The following EPHA6 variants were observed in gnomAD, a reference collection of about 807,000 sequenced individuals.
EPHA6 encodes the protein ephrin type-A receptor 6.
Under a neutral mutation model 112.0 loss-of-function variants are expected in EPHA6, and 50 were observed. The observed-to-expected ratio is 0.45, with a 90% CI of 0.36 to 0.56. The LOEUF is 0.56. EPHA6 is among the 20% of genes least tolerant of loss of function. The pLI, the probability that EPHA6 is intolerant of heterozygous loss-of-function variation, is 0.00. For synonymous variants in EPHA6, 529 were observed against 490.7 expected, an observed-to-expected ratio of 1.08 and a Z score of -1.03; for missense variants, 1,280 against 1,417.4, an observed-to-expected ratio of 0.90 and a Z score of 1.56.
At chr3:97,682,513 A>G (rs370169573) in intron 14 of EPHA6, among the ~76,000 whole-genome samples, 2 of 152,152 alleles carry the variant, frequency 1.3e-5, no homozygotes, top group South Asian at 4.1e-4. Flanking sequence ...CTATCAGGCC[A>G]TACAATTTTA....
At chr3:97,540,324 G>T (rs1480672661) in intron 11 of EPHA6, among the ~76,000 whole-genome samples, 1 of 152,120 alleles carries the variant, frequency 6.6e-6, no homozygotes, top group Non-Finnish European at 1.5e-5. Context: ...AACAGAAAAC[G>T]AACTAAGTGT....
At chr3:97,666,066 A>C (rs534351010) in intron 14 of EPHA6, among the ~76,000 whole-genome samples, 14 of 152,162 alleles carry the variant, frequency 9.2e-5, no homozygotes, top group African/African-American at 3.1e-4. Flanking sequence ...CAAAAAAAAA[A>C]AAAAAAGAAT....
chr3:96,826,065 AT>A (rs1168936143), intron 1 of EPHA6, among the ~76,000 whole-genome samples: 4 of 151,856 alleles, frequency 2.6e-5, no homozygotes, highest in Admixed American at 2.0e-4. Context: ...GAAAATAAAT[AT>A]TTTTATAAGG....
At chr3:97,440,743 C>G (rs2090093833) in intron 6 of EPHA6, among the ~76,000 whole-genome samples, 1 of 151,226 alleles carries the variant, frequency 6.6e-6, no homozygotes, top group South Asian at 2.1e-4. Context: ...AGTGTAAAAT[C>G]AAAAATTAAT....
At chr3:96,855,634 A>T (rs562351750) in intron 1 of EPHA6, among the ~76,000 whole-genome samples, 1 of 152,150 alleles carries the variant, frequency 6.6e-6, no homozygotes, top group African/African-American at 2.4e-5. Context: ...GGTTGACAGC[A>T]TTAAAATAAT....
intron 13 of EPHA6, among the ~76,000 whole-genome samples, chr3:97,624,964 T>G (rs765775790): frequency 6.6e-6 from 1 of 151,538 alleles, no homozygotes; most frequent in African/African-American, 2.4e-5. Context: ...TAGATAAAAG[T>G]TTGTTGATTT....
chr3:97,225,420 T>A (rs1298003738), intron 3 of EPHA6, among the ~76,000 whole-genome samples: 1 of 152,256 alleles, frequency 6.6e-6, no homozygotes, highest in East Asian at 1.9e-4. Flanking sequence ...TCACATTTAG[T>A]AATTATTTTT....
At chr3:97,561,469 C>T (rs899823498) in intron 11 of EPHA6, among the ~76,000 whole-genome samples, 1 of 151,990 alleles carries the variant, frequency 6.6e-6, no homozygotes, top group Non-Finnish European at 1.5e-5. Flanking sequence ...TTCCCTTAAG[C>T]CAAAGTCTGA....
intron 3 of EPHA6, among the ~76,000 whole-genome samples, chr3:97,216,330 CAG>C (rs1035293092): frequency 1.3e-4 from 20 of 152,266 alleles, no homozygotes; most frequent in African/African-American, 4.8e-4. Context: ...CACTTATAAA[CAG>C]GGGATGCTTC....
At chr3:97,035,806 G>A (rs1559684898) in intron 3 of EPHA6, among the ~76,000 whole-genome samples, 1 of 151,906 alleles carries the variant, frequency 6.6e-6, no homozygotes, top group Non-Finnish European at 1.5e-5. Context: ...ATATGATAGT[G>A]CTTTCATTTA....
intron 1 of EPHA6, among the ~76,000 whole-genome samples, chr3:96,839,038 T>G (rs540085155): frequency 6.6e-6 from 1 of 152,172 alleles, no homozygotes; most frequent in African/African-American, 2.4e-5. Flanking sequence ...CTTTATGGCT[T>G]CCATTTTAAA....
At chr3:96,927,453 C>T (rs2040097689) in intron 2 of EPHA6, among the ~76,000 whole-genome samples, 1 of 152,166 alleles carries the variant, frequency 6.6e-6, no homozygotes, top group Non-Finnish European at 1.5e-5. Context: ...TGTCAGGCTG[C>T]AAATTTTCTA....
rs186256357 is a variant in EPHA6 at position 97,754,627 on chromosome 3, G to A, written c.*5926G>A. ...CCTTTTAAAAAGGAATCTGTCAACT[G>A]CAAAGTTTGTATATCTCAGTGACAT... On this transcript the variant is annotated 3_prime_UTR_variant, in exon 18 of 18. Coordinates refer to ENST00000389672, the MANE Select transcript of EPHA6 (RefSeq NM_001080448.3). 1.5e-3 allele frequency among the ~76,000 whole-genome samples: 226 copies of A among 152,332 alleles called. No homozygotes were observed. The highest frequency in any genetic ancestry group is 3.4e-3 in the African/African-American group (143 of 41,580).
At chr3:97,324,545 C>CTTTCTCTG (rs2108796839) in intron 5 of EPHA6, among the ~76,000 whole-genome samples, 1 of 149,702 alleles carries the variant, frequency 6.7e-6, no homozygotes, top group Non-Finnish European at 1.5e-5. Context: ...CTCTTTCTCT[C>CTTTCTCTG]TTTCTTTCTT....
At chr3:96,956,852 G>A (rs966800958) in intron 2 of EPHA6, among the ~76,000 whole-genome samples, 10 of 152,008 alleles carry the variant, frequency 6.6e-5, no homozygotes, top group Non-Finnish European at 1.2e-4. Flanking sequence ...GGCCAAGATG[G>A]TGAAACCCTG....
chr3:97,206,600 G>A (rs903601182), intron 3 of EPHA6, among the ~76,000 whole-genome samples: 1 of 151,858 alleles, frequency 6.6e-6, no homozygotes, highest in South Asian at 2.1e-4. Flanking sequence ...AAGCTGATTC[G>A]AGCTACTCTA....
At chr3:96,972,036 T>C (rs2042334381) in intron 2 of EPHA6, among the ~76,000 whole-genome samples, 1 of 152,168 alleles carries the variant, frequency 6.6e-6, no homozygotes, top group African/African-American at 2.4e-5. Context: ...TTAAATTGTC[T>C]TTTACTTTTG....
chr3:97,044,711 T>C (rs971723687), intron 3 of EPHA6, among the ~76,000 whole-genome samples: 1 of 149,458 alleles, frequency 6.7e-6, no homozygotes, highest in African/African-American at 2.5e-5. Context: ...AACTATGTTC[T>C]AGGAAAAAAA....
chr3:97,659,353 C>A (rs938388919), intron 14 of EPHA6, among the ~76,000 whole-genome samples: 1 of 151,824 alleles, frequency 6.6e-6, no homozygotes, highest in Admixed American at 6.6e-5. Flanking sequence ...GCAGGCTTTT[C>A]GGTGACATTT....
Sources: allele counts gnomAD v4.1 joint callset (sites outside exome capture counted in the v4.1 genomes callset), GRCh38; gene constraint gnomAD v4.1.1; transcripts MANE v1.5; gene names NCBI Gene and HGNC (gene_info 2026-07-23, HGNC 2026-07-21).